MTMR3: variants seen among roughly 807,000 people sequenced by gnomAD.
MTMR3 encodes phosphatidylinositol-3,5-bisphosphate 3-phosphatase MTMR3.
In MTMR3, 32 loss-of-function variants were observed where a neutral mutation model predicts 132.4. That is an observed-to-expected ratio of 0.24 (90% CI 0.18 to 0.32). The LOEUF (loss-of-function observed/expected upper bound fraction) is 0.32, where lower values mean the gene tolerates loss of function less well. Ranked by LOEUF, MTMR3 falls within the 10% of genes least tolerant of loss-of-function variation. The probability of loss-of-function intolerance (pLI) is 1.00; values close to 1 mark genes in which losing one functional copy is unlikely to be tolerated. For synonymous variants in MTMR3, 556 were observed against 550.3 expected, an observed-to-expected ratio of 1.01 and a Z score of -0.14; for missense variants, 1,216 against 1,489.6, an observed-to-expected ratio of 0.82 and a Z score of 3.02.
intron 5 of MTMR3, chr22:29,982,363 A>C (rs1000209504): frequency 1.3e-5 from 2 of 152,132 alleles, no homozygotes; most frequent in Non-Finnish European, 2.9e-5. Context: ...TTCTTCCTGC[A>C]TCGGGTCCTG....
In MTMR3 at chr22:29,988,465, T is replaced by G. The variant is rs776134349; in HGVS notation, c.211-15T>G. 1.9e-6 allele frequency: 3 copies of G among 1,601,824 alleles called. No homozygotes were observed. In the South Asian group the frequency reaches 3.3e-5, roughly 18 times the overall value. ...CCTTTTTGACTAAGAGGACTTCATT[T>G]TTTTAAAATTGCAGGTTCCATTACA... On this transcript the variant is annotated splice_polypyrimidine_tract_variant and intron_variant, in intron 5 of 19. Coordinates refer to ENST00000401950, the MANE Select transcript of MTMR3 (RefSeq NM_021090.4).
chr22:29,985,499 CAAAAG>C (rs948592378), intron 5 of MTMR3: 4 of 151,012 alleles, frequency 2.6e-5, no homozygotes, highest in Non-Finnish European at 5.9e-5. Context: ...GACTCCATCT[CAAAAG>C]AAAGAAAGAA....
At chr22:30,016,218 G>C (rs2067586585) in intron 14 of MTMR3, 1 of 289,872 alleles carries the variant, frequency 3.4e-6, no homozygotes, top group Non-Finnish European at 6.5e-6. Flanking sequence ...GTTGTACACT[G>C]ACGTGCTCCT....
chr22:29,954,712 T>C (rs535522361), intron 1 of MTMR3, among the ~76,000 whole-genome samples: 10 of 152,314 alleles, frequency 6.6e-5, no homozygotes, highest in East Asian at 1.9e-4. Flanking sequence ...ACAGCAGATA[T>C]AGTGATTTTC....
At chr22:29,967,570 A>G (rs185701405) in intron 2 of MTMR3, among the ~76,000 whole-genome samples, 1 of 151,522 alleles carries the variant, frequency 6.6e-6, no homozygotes, top group Non-Finnish European at 1.5e-5. Context: ...GTCATATCAC[A>G]TAAAATCCAC....
chr22:29,939,319 C>T (rs190631810), intron 1 of MTMR3, among the ~76,000 whole-genome samples: 162 of 152,026 alleles, frequency 1.1e-3, no homozygotes, highest in Non-Finnish European at 2.0e-3. Flanking sequence ...AACAAAACAC[C>T]GTGGGGCCAA....
chr22:29,953,885 C>G (rs1268116086), intron 1 of MTMR3, among the ~76,000 whole-genome samples: 3 of 152,080 alleles, frequency 2.0e-5, no homozygotes, highest in Non-Finnish European at 2.9e-5. Context: ...AATGCAACCA[C>G]ATTACATTCT....
chr22:30,017,737 C>A, intron 15 of MTMR3, 190 bp from the exon 16 acceptor site: 1 of 552,132 alleles, frequency 1.8e-6, no homozygotes, highest in Non-Finnish European at 3.1e-6. Context: ...AAAATGTTGG[C>A]TATATAAAAT....
At chr22:29,912,248 T>A (rs1221543116) in intron 1 of MTMR3, among the ~76,000 whole-genome samples, 1 of 152,196 alleles carries the variant, frequency 6.6e-6, no homozygotes, top group Non-Finnish European at 1.5e-5. Flanking sequence ...GGTATTAAGA[T>A]CAGTTTTCCT....
chr22:29,984,264 A>T (rs868855374), intron 5 of MTMR3: 1 of 152,210 alleles, frequency 6.6e-6, no homozygotes, highest in Non-Finnish European at 1.5e-5. Flanking sequence ...AGGCTATAAA[A>T]AGGGTGTTTG....
At chr22:29,953,347 G>T (rs987467035) in intron 1 of MTMR3, among the ~76,000 whole-genome samples, 5 of 152,166 alleles carry the variant, frequency 3.3e-5, no homozygotes, top group Non-Finnish European at 5.9e-5. Flanking sequence ...TGTAGCTGGG[G>T]TTCTTTTATT....
At chr22:29,959,029 C>T (rs1286244119) in intron 2 of MTMR3, among the ~76,000 whole-genome samples, 3 of 152,088 alleles carry the variant, frequency 2.0e-5, no homozygotes, top group East Asian at 1.9e-4. Context: ...CAAGTTGCTC[C>T]GTGTATTACT....
intron 9 of MTMR3, chr22:30,004,473 TTTTCTAAATTTTA>T (rs1371970547): frequency 6.6e-6 from 1 of 152,200 alleles, no homozygotes; most frequent in Non-Finnish European, 1.5e-5. Context: ...AACTTCCTTT[TTTTCTAAATTTTA>T]TTCTAGAGGG....
chr22:29,995,410 A>C (rs1211615186), intron 7 of MTMR3: 7 of 152,134 alleles, frequency 4.6e-5, no homozygotes, highest in Non-Finnish European at 1.0e-4. Flanking sequence ...AGCTGTGTGT[A>C]ATTGTGGGCT....
chr22:29,940,596 A>G (rs1186315420), intron 1 of MTMR3, among the ~76,000 whole-genome samples: 5 of 150,072 alleles, frequency 3.3e-5, no homozygotes, highest in Admixed American at 3.3e-4. Flanking sequence ...CTGAATAGGA[A>G]AAATCGGAAC....
intron 19 of MTMR3, chr22:30,023,193 C>G: frequency 1.9e-6 from 1 of 513,908 alleles, no homozygotes; most frequent in Non-Finnish European, 3.5e-6. Context: ...ACTTCTTTTT[C>G]CTTCTGGGTT....
chr22:29,962,136 T>C (rs2066324314), intron 2 of MTMR3, among the ~76,000 whole-genome samples: 1 of 152,264 alleles, frequency 6.6e-6, no homozygotes, highest in Non-Finnish European at 1.5e-5. Flanking sequence ...TGGATAGACT[T>C]ATGAAATAGT....
At chr22:29,884,241 A>G (rs117526059) in intron 1 of MTMR3, among the ~76,000 whole-genome samples, 1,666 of 151,312 alleles carry the variant, frequency 0.011, 18 homozygotes, top group Admixed American at 0.017. Context: ...TCTGACATCT[A>G]TTTTTCCACA....
chr22:29,994,358 CA>C, intron 7 of MTMR3: 1 of 51,908 alleles, frequency 1.9e-5, no homozygotes, highest in South Asian at 6.4e-4. Flanking sequence ...CTGTGGAGTA[CA>C]AAGGAAAAAC....
Sources: gnomAD v4.1 joint callset for allele counts (sites outside exome capture counted in the v4.1 genomes callset) on GRCh38, gnomAD v4.1.1 for gene constraint, MANE v1.5 for transcripts, NCBI Gene and HGNC (gene_info 2026-07-23, HGNC 2026-07-21) for gene names.